RBFOX3: variants seen among roughly 807,000 people sequenced by gnomAD.
The protein encoded by RBFOX3 is RNA binding fox-1 homolog 3, also known as RNA binding protein fox-1 homolog 3.
RBFOX3 carries 17 observed loss-of-function variants against 48.7 expected under a neutral mutation model. The ratio of observed to expected loss-of-function variants is 0.35; its 90% CI spans 0.24 to 0.52. RBFOX3 has a LOEUF of 0.52. RBFOX3 is among the 20% of genes least tolerant of loss of function. RBFOX3 has a pLI of 0.94. For missense variants in RBFOX3, 382 were observed against 497.5 expected, an observed-to-expected ratio of 0.77 and a Z score of 2.21; for synonymous variants, 212 against 209.5, an observed-to-expected ratio of 1.01 and a Z score of -0.10.
intron 1 of RBFOX3, among the ~76,000 whole-genome samples, chr17:79,545,112 C>T (rs2090239181): frequency 1.3e-5 from 2 of 152,228 alleles, no homozygotes; most frequent in African/African-American, 2.4e-5. Context: ...GGCCGCTCTA[C>T]CTTTTCATCT....
chr17:79,544,731 G>A (rs1447747393), intron 1 of RBFOX3, among the ~76,000 whole-genome samples: 1 of 151,936 alleles, frequency 6.6e-6, no homozygotes, highest in Non-Finnish European at 1.5e-5. Context: ...AGTCCCTGGA[G>A]CCGCCTCCTC....
At chr17:79,359,151 A>C (rs1210604253) in intron 2 of RBFOX3, among the ~76,000 whole-genome samples, 1 of 152,078 alleles carries the variant, frequency 6.6e-6, no homozygotes, top group African/African-American at 2.4e-5. Context: ...AGACGGATTT[A>C]AACGTATCCC....
Position 79,492,052 on chromosome 17 carries a change from G to A in RBFOX3, c.-319-9454C>T, listed in dbSNP as rs955947246. ...GATCATGCCATTGCACTCCAGCCTG[G>A]ATGACAGAGCAAGACTCTGTCTCAA... On this transcript the variant is annotated intron_variant, in intron 1 of 14. Transcript: ENST00000693108. Among the ~76,000 whole-genome samples the A allele has an allele frequency of 2.6e-4, 40 of 152,198 alleles. 1 individual carries two copies. The highest frequency in any genetic ancestry group is 6.5e-5 in the Admixed American group (1 of 15,282).
chr17:79,228,006 T>G (rs543999918), intron 4 of RBFOX3, among the ~76,000 whole-genome samples: 5 of 152,132 alleles, frequency 3.3e-5, no homozygotes, highest in African/African-American at 1.2e-4. Flanking sequence ...TCAGCGTCAA[T>G]GTAAGGCCTG....
chr17:79,463,328 A>C, intron 2 of RBFOX3, among the ~76,000 whole-genome samples: 1 of 68,814 alleles, frequency 1.5e-5, no homozygotes, highest in Non-Finnish European at 3.2e-5. Flanking sequence ...TGCCACCGCC[A>C]CCTCCACCAC....
At chr17:79,505,888 G>T (rs2083044197) in intron 1 of RBFOX3, among the ~76,000 whole-genome samples, 1 of 152,212 alleles carries the variant, frequency 6.6e-6, no homozygotes, top group Non-Finnish European at 1.5e-5. Flanking sequence ...AGGCAACCAA[G>T]GTGGGGTCTG....
chr17:79,345,511 A>G (rs2082760552), intron 2 of RBFOX3, among the ~76,000 whole-genome samples: 1 of 152,220 alleles, frequency 6.6e-6, no homozygotes, highest in Non-Finnish European at 1.5e-5. Context: ...AGTCTTGCCA[A>G]TCAAATGGAA....
chr17:79,419,233 G>T (rs1598609385), intron 2 of RBFOX3, among the ~76,000 whole-genome samples: 1 of 152,340 alleles, frequency 6.6e-6, no homozygotes, highest in Non-Finnish European at 1.5e-5. Context: ...CTCTCGAGTT[G>T]CTAAGATGCC....
intron 4 of RBFOX3, among the ~76,000 whole-genome samples, chr17:79,176,451 G>A (rs1485783246): frequency 2.0e-5 from 3 of 152,238 alleles, no homozygotes; most frequent in Non-Finnish European, 2.9e-5. Flanking sequence ...TTCCTGCCCA[G>A]GCCCAAGCCC....
intron 1 of RBFOX3, among the ~76,000 whole-genome samples, chr17:79,538,916 C>T (rs913403741): frequency 3.3e-5 from 5 of 152,110 alleles, no homozygotes; most frequent in African/African-American, 7.2e-5. Context: ...CATGGAAACA[C>T]GGACAAAGCA....
intron 3 of RBFOX3, among the ~76,000 whole-genome samples, chr17:79,272,067 A>G (rs955799900): frequency 6.6e-6 from 1 of 152,192 alleles, no homozygotes; most frequent in African/African-American, 2.4e-5. Flanking sequence ...CGAGGCTGAG[A>G]GACGACGGAA....
intron 1 of RBFOX3, among the ~76,000 whole-genome samples, chr17:79,493,915 G>C (rs910714701): frequency 1.3e-5 from 2 of 152,118 alleles, no homozygotes. Context: ...GCTGGGCTGG[G>C]GGAGGAGGTG....
At chr17:79,409,292 C>T (rs545786762) in intron 2 of RBFOX3, among the ~76,000 whole-genome samples, 1 of 152,338 alleles carries the variant, frequency 6.6e-6, no homozygotes, top group Non-Finnish European at 1.5e-5. Context: ...CTCTTGCAAA[C>T]GGTGCTCCTA....
At chr17:79,549,998 G>A (rs978599747) in intron 1 of RBFOX3, among the ~76,000 whole-genome samples, 18 of 152,068 alleles carry the variant, frequency 1.2e-4, no homozygotes, top group Admixed American at 3.3e-4. Flanking sequence ...CTGACCAGCC[G>A]TGCCGGGCAC....
intron 1 of RBFOX3, among the ~76,000 whole-genome samples, chr17:79,605,108 G>T (rs1338246062): frequency 6.6e-6 from 1 of 152,228 alleles, no homozygotes; most frequent in Admixed American, 6.5e-5. Context: ...TGCGCCCTTG[G>T]TTTGCGTGGC....
intron 12 of RBFOX3, among the ~76,000 whole-genome samples, chr17:79,096,084 G>A (rs958339331): frequency 2.0e-5 from 3 of 152,206 alleles, no homozygotes; most frequent in Admixed American, 2.0e-4. Context: ...ATGATGTCCT[G>A]GCCTCAAATG....
At chr17:79,465,475 G>A (rs1306925496) in intron 2 of RBFOX3, among the ~76,000 whole-genome samples, 1 of 152,006 alleles carries the variant, frequency 6.6e-6, no homozygotes, top group African/African-American at 2.4e-5. Context: ...TGGGCGTTAG[G>A]TACCAGCCTC....
At chr17:79,447,816 C>T (rs912428265) in intron 2 of RBFOX3, among the ~76,000 whole-genome samples, 7 of 152,140 alleles carry the variant, frequency 4.6e-5, no homozygotes, top group African/African-American at 9.7e-5. Flanking sequence ...TGATATGGTT[C>T]GGCTCATGTC....
intron 3 of RBFOX3, among the ~76,000 whole-genome samples, chr17:79,283,249 T>C (rs1273210485): frequency 6.8e-6 from 1 of 147,548 alleles, no homozygotes; most frequent in Non-Finnish European, 1.5e-5. Context: ...TAAGGTAATA[T>C]TCCTATGTTC....
Sources: gnomAD v4.1 joint callset for allele counts (sites outside exome capture counted in the v4.1 genomes callset) on GRCh38, gnomAD v4.1.1 for gene constraint, MANE v1.5 for transcripts, NCBI Gene and HGNC (gene_info 2026-07-23, HGNC 2026-07-21) for gene names.